Variants in LRRTM4 observed in about 807,000 individuals in gnomAD.
The protein encoded by LRRTM4 is leucine rich repeat transmembrane neuronal 4.
LRRTM4 carries 25 observed loss-of-function variants against 47.6 expected under a neutral mutation model. The ratio of observed to expected loss-of-function variants is 0.53; its 90% CI spans 0.38 to 0.73. The LOEUF (loss-of-function observed/expected upper bound fraction) is 0.73. Among genes scored for constraint, LRRTM4 ranks in the 30% least tolerant of loss-of-function variants. LRRTM4 has a pLI of 0.00. For synonymous variants in LRRTM4, 311 were observed against 269.5 expected (o/e 1.15, Z -1.51); for missense variants, 638 against 713.4 (o/e 0.89, Z 1.20).
intron 3 of LRRTM4, among the ~76,000 whole-genome samples, chr2:77,479,070 A>G (rs571253661): frequency 2.0e-4 from 30 of 151,878 alleles, no homozygotes; most frequent in African/African-American, 7.2e-4. Context: ...AATTTTTTAT[A>G]TTTTTAGTAG....
chr2:76,942,728 T>C (rs77106708), intron 3 of LRRTM4, among the ~76,000 whole-genome samples: 4,577 of 141,320 alleles, frequency 0.032, 260 homozygotes, highest in African/African-American at 0.11. Flanking sequence ...AAAGTAGATA[T>C]ACATTTTTAA....
chr2:77,250,796 T>A (rs182739643), intron 3 of LRRTM4, among the ~76,000 whole-genome samples: 73 of 152,252 alleles, frequency 4.8e-4, no homozygotes, highest in South Asian at 8.3e-4. Flanking sequence ...ATACTTAACC[T>A]CTTCTTCTTA....
At chr2:76,911,935 T>TTG (rs1276825475) in intron 3 of LRRTM4, among the ~76,000 whole-genome samples, 1 of 94,452 alleles carries the variant, frequency 1.1e-5, no homozygotes, top group Non-Finnish European at 2.4e-5. Flanking sequence ...ATGTGCTTTT[T>TTG]GGGGGGGGGG....
chr2:77,089,811 G>C (rs187100951), intron 3 of LRRTM4, among the ~76,000 whole-genome samples: 1,527 of 152,178 alleles, frequency 0.01, 10 homozygotes, highest in Non-Finnish European at 0.013. Context: ...ATGGCACTTT[G>C]AATTTTTCCA....
intron 3 of LRRTM4, among the ~76,000 whole-genome samples, chr2:77,260,685 T>A (rs531438748): frequency 2.7e-5 from 4 of 148,574 alleles, no homozygotes; most frequent in Non-Finnish European, 5.9e-5. Context: ...ATGCAATAAA[T>A]GCTGTCAAAA....
intron 3 of LRRTM4, among the ~76,000 whole-genome samples, chr2:76,750,282 A>C (rs72917757): frequency 0.018 from 2,719 of 152,292 alleles, 87 homozygotes; most frequent in African/African-American, 0.061. Context: ...CACCAGCACT[A>C]GCACCAGAGA....
At chr2:76,937,620 G>A (rs1025343502) in intron 3 of LRRTM4, among the ~76,000 whole-genome samples, 7 of 152,224 alleles carry the variant, frequency 4.6e-5, no homozygotes, top group Non-Finnish European at 7.3e-5. Flanking sequence ...CCAGGCTGGA[G>A]TGCAGTGGTG....
chr2:76,967,981 A>G (rs1676084505), intron 3 of LRRTM4, among the ~76,000 whole-genome samples: 1 of 151,542 alleles, frequency 6.6e-6, no homozygotes, highest in South Asian at 2.1e-4. Context: ...AAATATAAAG[A>G]CAAATGAACA....
At chr2:77,303,560 G>A (rs1214513025) in intron 3 of LRRTM4, among the ~76,000 whole-genome samples, 10 of 151,890 alleles carry the variant, frequency 6.6e-5, no homozygotes, top group African/African-American at 9.7e-5. Flanking sequence ...TGTCCCAAAG[G>A]GCATACTACT....
intron 3 of LRRTM4, among the ~76,000 whole-genome samples, chr2:77,200,724 T>A (rs1371432): frequency 0.2 from 29,768 of 151,960 alleles, 5,605 homozygotes; most frequent in African/African-American, 0.49. Context: ...GGATTCTTAG[T>A]ATGTAGAATG....
At chr2:76,759,100 G>T (rs945424940) in intron 3 of LRRTM4, among the ~76,000 whole-genome samples, 3 of 152,096 alleles carry the variant, frequency 2.0e-5, no homozygotes, top group Non-Finnish European at 4.4e-5. Context: ...TTTTCTGAGA[G>T]TTAGGCCTTG....
chr2:76,781,653 C>T (rs1573093383), intron 3 of LRRTM4, among the ~76,000 whole-genome samples: 1 of 152,238 alleles, frequency 6.6e-6, no homozygotes, highest in Non-Finnish European at 1.5e-5. Context: ...CGCCCACTGT[C>T]TGGCACTCCC....
chr2:76,801,422 C>A lies in LRRTM4; in HGVS notation c.1552-52506G>T, dbSNP rs558442838. Among the ~76,000 whole-genome samples, 154 of 151,992 alleles carry A rather than the reference C, an allele frequency of 1.0e-3. 2 individuals carry two copies. Among genetic ancestry groups the A allele is most frequent in the Non-Finnish European group, 8.8e-4 (60 of 67,986 alleles). ...AGTAAACTATCGCAAGAACAAAAAACCAAACAGCGCATATTCTCACTCATA... is the reference window on the plus strand; with the variant it reads ...AGTAAACTATCGCAAGAACAAAAAAACAAACAGCGCATATTCTCACTCATA... On this transcript the variant is annotated intron_variant, in intron 3 of 3. Transcript: ENST00000409884.
At chr2:77,463,548 C>T (rs775138672) in intron 3 of LRRTM4, among the ~76,000 whole-genome samples, 1 of 152,010 alleles carries the variant, frequency 6.6e-6, no homozygotes, top group Non-Finnish European at 1.5e-5. Context: ...TGCATTTTTA[C>T]AATTGTAATT....
chr2:77,441,487 A>C (rs1316749393), intron 3 of LRRTM4, among the ~76,000 whole-genome samples: 4 of 152,318 alleles, frequency 2.6e-5, no homozygotes, highest in Non-Finnish European at 5.9e-5. Context: ...AAGAGGACTT[A>C]AATGTCAACT....
intron 3 of LRRTM4, among the ~76,000 whole-genome samples, chr2:77,134,128 A>G (rs1305681202): frequency 6.6e-6 from 1 of 152,140 alleles, no homozygotes; most frequent in Admixed American, 6.6e-5. Context: ...ATATATGTAT[A>G]TATTTCATAC....
intron 3 of LRRTM4, among the ~76,000 whole-genome samples, chr2:76,789,465 T>C (rs1406629546): frequency 6.6e-6 from 1 of 152,206 alleles, no homozygotes; most frequent in Non-Finnish European, 1.5e-5. Flanking sequence ...AGGACTTCTT[T>C]GGAGGGCTTC....
intron 3 of LRRTM4, among the ~76,000 whole-genome samples, chr2:77,191,308 C>G (rs534424170): frequency 4.6e-5 from 7 of 151,714 alleles, no homozygotes; most frequent in African/African-American, 7.3e-5. Flanking sequence ...TTAAATAAGG[C>G]TAATAAATCA....
intron 3 of LRRTM4, among the ~76,000 whole-genome samples, chr2:77,082,455 GT>G: frequency 6.6e-6 from 1 of 151,914 alleles, no homozygotes; most frequent in East Asian, 1.9e-4. Context: ...TAGAAACAAC[GT>G]TTATGGTAAA....
Sources: gnomAD v4.1 joint callset for allele counts (sites outside exome capture counted in the v4.1 genomes callset) on GRCh38, gnomAD v4.1.1 for gene constraint, MANE v1.5 for transcripts, NCBI Gene and HGNC (gene_info 2026-07-23, HGNC 2026-07-21) for gene names.